Variants in CSN1S1 observed in about 807,000 individuals in gnomAD.
CSN1S1 encodes the protein alpha-S1-casein.
In CSN1S1, 63 loss-of-function variants were observed where a neutral mutation model predicts 49.1. That is an observed-to-expected ratio of 1.28 (90% confidence interval 1.05 to 1.58). The LOEUF (loss-of-function observed/expected upper bound fraction) is 1.58, where lower values mean the gene tolerates loss of function less well. Among genes scored for constraint, CSN1S1 ranks in the 40% most tolerant of loss-of-function variants. The pLI, the probability that CSN1S1 is intolerant of heterozygous loss-of-function variation, is 0.00. For synonymous variants in CSN1S1, 78 were observed against 67.1 expected (o/e 1.16, Z -0.79); for missense variants, 260 against 224.7 (o/e 1.16, Z -1.01).
intron 9 of CSN1S1, 48 bp downstream of exon 9, chr4:69,937,871 A>T (rs1375548777): frequency 7.5e-7 from 1 of 1,340,786 alleles, no homozygotes; most frequent in South Asian, 1.5e-5. Context: ...TATCAAACAT[A>T]GTATATGCAG....
Position 69,932,695 on chromosome 4 carries a change from T to C in CSN1S1, c.51+89T>C, listed in dbSNP as rs537208088. On this transcript the variant is annotated intron_variant, in intron 2 of 15. Transcript: ENST00000246891. Reference sequence around the variant, plus strand: ...AAACATAGGATACCCAGAGAAATAATCTTAAAGCACTGGATGATCTCTAAT... The same window carrying C: ...AAACATAGGATACCCAGAGAAATAACCTTAAAGCACTGGATGATCTCTAAT... The C allele has an allele frequency of 9.2e-6, 11 of 1,191,148 alleles. No homozygotes were observed. In the South Asian group the frequency reaches 1.2e-4, roughly 13 times the overall value. 73.8% of individuals were successfully genotyped at this position (1,191,148 alleles called of 1,614,324 possible).
At position 69,946,367 on chromosome 4, in the gene CSN1S1, G is replaced by A. The variant is rs532487691; in HGVS notation, c.*171G>A. On this transcript the variant is annotated 3_prime_UTR_variant, in exon 16 of 16. Coordinates refer to ENST00000246891, the MANE Select transcript of CSN1S1 (RefSeq NM_001890.2). Reference sequence around the variant, plus strand: ...TTTTCTTAAGCTAAATTTTCCTAGAGAGTTTATTGTCTAAATTTCAGTTGT... The same window carrying A: ...TTTTCTTAAGCTAAATTTTCCTAGAAAGTTTATTGTCTAAATTTCAGTTGT... 1.3e-5 allele frequency: 4 copies of A among 299,538 alleles called. No individual in the cohort carries two copies. The highest frequency in any genetic ancestry group is 6.5e-5 in the African/African-American group (3 of 46,162). The allele number at this position is 299,538 out of a possible 1,614,324, so 18.6% of individuals were successfully genotyped here.
At chr4:69,935,409 A>C (rs1230869684) in intron 4 of CSN1S1, among the ~76,000 whole-genome samples, 1 of 151,022 alleles carries the variant, frequency 6.6e-6, no homozygotes. Flanking sequence ...AAATAGTCGG[A>C]TGTGGCGGCA....
chr4:69,941,219 C>T (rs1050312592), intron 12 of CSN1S1, among the ~76,000 whole-genome samples, 159 bp downstream of exon 12: 1 of 151,494 alleles, frequency 6.6e-6, no homozygotes, highest in Non-Finnish European at 1.5e-5. Flanking sequence ...TGTATGATTG[C>T]CGGCATATTT....
At chr4:69,932,826 A>G (rs115036237) in intron 2 of CSN1S1, among the ~76,000 whole-genome samples, 2 of 151,960 alleles carry the variant, frequency 1.3e-5, no homozygotes, top group East Asian at 3.9e-4. Context: ...TCTGACTTGA[A>G]TTATAAGCAC....
chr4:69,940,752 A>G (rs1014664964), intron 11 of CSN1S1, among the ~76,000 whole-genome samples: 1 of 151,852 alleles, frequency 6.6e-6, no homozygotes, highest in Non-Finnish European at 1.5e-5. Context: ...AATAATTCTG[A>G]TATATTGTAA....
At chr4:69,933,732 G>A (rs1328419887) in intron 2 of CSN1S1, among the ~76,000 whole-genome samples, 2 of 151,910 alleles carry the variant, frequency 1.3e-5, no homozygotes, top group Non-Finnish European at 2.9e-5. Flanking sequence ...CACTCAAAAT[G>A]CAGAATGAGA....
chr4:69,931,577 T>A (rs1685713580), intron 1 of CSN1S1, among the ~76,000 whole-genome samples: 1 of 151,984 alleles, frequency 6.6e-6, no homozygotes, highest in South Asian at 2.1e-4. Flanking sequence ...CTATTATAGA[T>A]AATTAGCTAT....
chr4:69,936,281 A>G (rs1314359297), intron 5 of CSN1S1, among the ~76,000 whole-genome samples, 175 bp from the exon 6 acceptor site: 1 of 151,992 alleles, frequency 6.6e-6, no homozygotes, highest in Non-Finnish European at 1.5e-5. Context: ...TTGTGTAGTG[A>G]GAAAGACCAC....
chr4:69,932,654 G>A (rs923225624), intron 2 of CSN1S1, 48 bp downstream of exon 2: 1 of 1,463,800 alleles, frequency 6.8e-7, no homozygotes, highest in African/African-American at 1.4e-5. Flanking sequence ...TGTTAGAAAT[G>A]ACCTGACACT....
At position 69,942,459 on chromosome 4, in the gene CSN1S1, C is replaced by T. The variant is rs1160134388; in HGVS notation, c.361-77C>T. 4.5e-6 allele frequency: 5 copies of T among 1,121,938 alleles called. No homozygotes were observed. The African/African-American group carries it at 7.7e-5, about 17-fold the overall frequency. 69.5% of individuals were successfully genotyped at this position (1,121,938 alleles called of 1,614,324 possible). On this transcript the variant is annotated intron_variant, in intron 13 of 15. Coordinates refer to ENST00000246891, the MANE Select transcript of CSN1S1 (RefSeq NM_001890.2). Reference sequence around the variant, plus strand: ...AATTTCATGAATGATGTTATGTATACTTCTGGTGCAATGTAAGATAAATGT... The same window carrying T: ...AATTTCATGAATGATGTTATGTATATTTCTGGTGCAATGTAAGATAAATGT...
intron 15 of CSN1S1, among the ~76,000 whole-genome samples, chr4:69,945,702 T>C (rs2109733159): frequency 6.6e-6 from 1 of 152,112 alleles, no homozygotes; most frequent in East Asian, 1.9e-4. Context: ...GGAAATTATG[T>C]ATCTAACCAT....
rs1364178414 is a variant in CSN1S1 at position 69,938,747 on chromosome 4, A to G, written c.244-429A>G. Reference sequence around the variant, plus strand: ...TTTTAATTTCATCTTAAGATTGTGCATTGTATTTAATGTTTCCATTTTATT... The same window carrying G: ...TTTTAATTTCATCTTAAGATTGTGCGTTGTATTTAATGTTTCCATTTTATT... On this transcript the variant is annotated intron_variant, in intron 9 of 15. Transcript: ENST00000246891. Among the ~76,000 whole-genome samples, 3 of 151,786 alleles carry G rather than the reference A, an allele frequency of 2.0e-5. No homozygotes were observed. The East Asian group carries it at 5.8e-4, about 29-fold the overall frequency.
At chr4:69,938,228 T>A (rs1486825969) in intron 9 of CSN1S1, among the ~76,000 whole-genome samples, 1 of 151,766 alleles carries the variant, frequency 6.6e-6, no homozygotes, top group Non-Finnish European at 1.5e-5. Flanking sequence ...TACAAGTGCA[T>A]GTATGTATGT....
rs1356476116 is a variant in CSN1S1, at chr4:69,939,168, T to C, written c.244-8T>C. 1 of 1,595,926 alleles carries C rather than the reference T, an allele frequency of 6.3e-7. No homozygotes were observed. The highest frequency in any genetic ancestry group is 8.6e-7 in the Non-Finnish European group (1 of 1,166,954). On this transcript the variant is annotated splice_polypyrimidine_tract_variant and splice_region_variant and intron_variant, in intron 9 of 15. Coordinates refer to ENST00000246891, the MANE Select transcript of CSN1S1 (RefSeq NM_001890.2). Reference sequence around the variant, plus strand: ...GGGGATAATTAACACTAGATTTCTTTCTTTTAGAAGATGGAATCCAGCATC... The same window carrying C: ...GGGGATAATTAACACTAGATTTCTTCCTTTTAGAAGATGGAATCCAGCATC...
intron 8 of CSN1S1, 63 bp from the exon 9 acceptor site, chr4:69,937,737 C>A (rs565787266): frequency 2.4e-6 from 3 of 1,258,284 alleles, no homozygotes; most frequent in African/African-American, 3.0e-5. Context: ...ATTTGGTAAT[C>A]ATTACTTTTG....
At chr4:69,933,567 C>A (rs1722675679) in intron 2 of CSN1S1, among the ~76,000 whole-genome samples, 1 of 151,936 alleles carries the variant, frequency 6.6e-6, no homozygotes, top group South Asian at 2.1e-4. Flanking sequence ...GATAAAACTT[C>A]CTCAGGAATG....
intron 2 of CSN1S1, 61 bp downstream of exon 2, chr4:69,932,667 A>T: frequency 1.4e-6 from 2 of 1,381,996 alleles, no homozygotes; most frequent in Non-Finnish European, 2.0e-6. Context: ...CTGACACTTC[A>T]TCAAACATAG....
chr4:69,940,515 G>A lies in CSN1S1; in HGVS notation c.300+471G>A, dbSNP rs114176764. ...TTTTACACGTATGTGATGTTGAACC[G>A]TTCACTTTCCCAGTATAAGTCTATA... On this transcript the variant is annotated intron_variant, in intron 11 of 15. Transcript: ENST00000246891. 5.1e-3 allele frequency among the ~76,000 whole-genome samples: 781 copies of A among 151,742 alleles called. 8 individuals carry two copies. Among genetic ancestry groups the A allele is most frequent in the African/African-American group, 0.018 (745 of 41,476 alleles).
Sources: gnomAD v4.1 joint callset for allele counts (sites outside exome capture counted in the v4.1 genomes callset) on GRCh38, gnomAD v4.1.1 for gene constraint, MANE v1.5 for transcripts, NCBI Gene and HGNC (gene_info 2026-07-23, HGNC 2026-07-21) for gene names.